Variants in ARPC1A observed in about 807,000 individuals in gnomAD.
The protein encoded by ARPC1A is actin related protein 2/3 complex subunit 1A, also known as actin-related protein 2/3 complex subunit 1A.
Under a neutral mutation model 46.9 loss-of-function variants are expected in ARPC1A, and 8 were observed. That is an observed-to-expected ratio of 0.17 (90% confidence interval 0.10 to 0.31). ARPC1A has a LOEUF of 0.31. Ranked by LOEUF, ARPC1A falls within the 10% of genes least tolerant of loss-of-function variation. The pLI is 1.00. For missense variants in ARPC1A, 286 were observed against 483.6 expected (o/e 0.59, Z 3.83); for synonymous variants, 152 against 169.0 (o/e 0.90, Z 0.78).
intron 4 of ARPC1A, among the ~76,000 whole-genome samples, chr7:99,348,047 G>A (rs1171739798): frequency 1.3e-5 from 2 of 152,028 alleles, no homozygotes; most frequent in Non-Finnish European, 2.9e-5. Flanking sequence ...CGAATTAGAG[G>A]CTAATCCCCA....
rs117737292 is a variant in ARPC1A at position 99,333,654 on chromosome 7, A to G, written c.64+237A>G. On this transcript the variant is annotated intron_variant, in intron 2 of 9. Coordinates refer to ENST00000262942, the MANE Select transcript of ARPC1A (RefSeq NM_006409.4). Reference sequence around the variant, plus strand: ...CAAGTTCACATTTAGTCAGAGCACTAGGACCTAGAATAAGCTGTTTCAGAG... The same window carrying G: ...CAAGTTCACATTTAGTCAGAGCACTGGGACCTAGAATAAGCTGTTTCAGAG... Among the ~76,000 whole-genome samples the G allele has an allele frequency of 3.7e-3, 563 of 152,322 alleles. 5 individuals are homozygous for G. Among genetic ancestry groups the G allele is most frequent in the Middle Eastern group, 0.02 (6 of 294 alleles).
chr7:99,344,920 CTTTTTTTTTTT>C (rs1172071932), intron 4 of ARPC1A, among the ~76,000 whole-genome samples: 1 of 20,100 alleles, frequency 5.0e-5, no homozygotes, highest in African/African-American at 2.2e-4. Flanking sequence ...TAACAATGTT[CTTTTTTTTTTT>C]TTTTTTTTTT....
rs1378779685 is a variant in ARPC1A, at chr7:99,366,077, G to T, written c.*148G>T. The stretch of plus-strand genomic sequence containing the variant: ...GTGGTTTTGTTTGAATATAAAATTG[G>T]TGAAAGTGTTGGTTTTTTTAAGGCA... On this transcript the variant is annotated 3_prime_UTR_variant, in exon 10 of 10. Coordinates refer to ENST00000262942, the MANE Select transcript of ARPC1A (RefSeq NM_006409.4). The T allele has an allele frequency of 3.0e-6, 3 of 1,006,174 alleles. No individual in the cohort carries two copies. Among genetic ancestry groups the T allele is most frequent in the Non-Finnish European group, 4.2e-6 (3 of 707,008 alleles). 62.3% of individuals were successfully genotyped at this position (1,006,174 alleles called of 1,614,324 possible).
chr7:99,338,358 A>G lies in ARPC1A; in HGVS notation c.169+73A>G. On this transcript the variant is annotated intron_variant, in intron 3 of 9. Coordinates refer to ENST00000262942, the MANE Select transcript of ARPC1A (RefSeq NM_006409.4). ...ACTCTTCCTTTTAGATAAAGAGCCT[A>G]ATAAACCCAGGTGGCCATAATTTTT... is the stretch of plus-strand genomic sequence containing the variant. 4 of 1,098,928 alleles carry G rather than the reference A, an allele frequency of 3.6e-6. No individual in the cohort carries two copies. In the Admixed American group the frequency reaches 1.2e-4, roughly 34 times the overall value. The allele number at this position is 1,098,928 out of a possible 1,614,324, so 68.1% of individuals were successfully genotyped here.
chr7:99,327,600 G>T (rs1294290310), intron 1 of ARPC1A, among the ~76,000 whole-genome samples: 1 of 151,938 alleles, frequency 6.6e-6, no homozygotes, highest in African/African-American at 2.4e-5. Flanking sequence ...GGGATTTTGG[G>T]TGTGAGACAC....
chr7:99,340,099 G>T, intron 3 of ARPC1A: 1 of 431,534 alleles, frequency 2.3e-6, no homozygotes, highest in Non-Finnish European at 4.8e-6. Flanking sequence ...TGACTGTCCT[G>T]TTCATAAATC....
rs1793590037 is a variant in ARPC1A, at chr7:99,353,959, C to T, written c.551C>T (p.Pro184Leu). The T allele has an allele frequency of 5.6e-6, 9 of 1,613,984 alleles. No homozygotes were observed. The highest frequency in any genetic ancestry group is 5.0e-5 in the Admixed American group (3 of 60,016). The change falls in exon 6 of 10, where the codon CCC becomes CTC. Residue 184 changes from proline (P) to leucine (L), a missense_variant. Physicochemically the swap from Pro to Leu is moderately conservative, Grantham distance 98. Around this residue, in one of 5 missense-constraint regions of ARPC1A, gnomAD observed 182 missense variants for 276.7 expected, o/e 0.66. Coordinates refer to ENST00000262942, the MANE Select transcript of ARPC1A (RefSeq NM_006409.4). ...GTGGATGAAAAGCCAGCCAGCACGC[C>T]CTGGGGCAGCAAGATGCCTTTTGGG... The part of the protein sequence containing the change: ...KEVDEKPAST[P>L]WGSKMPFGQL...
chr7:99,346,912 G>A (rs1793462268), intron 4 of ARPC1A, among the ~76,000 whole-genome samples: 1 of 152,162 alleles, frequency 6.6e-6, no homozygotes, highest in Non-Finnish European at 1.5e-5. Context: ...CAGGGAGGTA[G>A]AGGTTGCAAT....
Position 99,326,329 on chromosome 7 carries a change from T to A in ARPC1A, c.-30+325T>A, listed in dbSNP as rs191926476. On this transcript the variant is annotated intron_variant, in intron 1 of 9. Coordinates refer to ENST00000262942, the MANE Select transcript of ARPC1A (RefSeq NM_006409.4). ...TCTAAAATTGTGTCAAGTAGGAGGA[T>A]CTCCCGTAATCGAGCGACCCGCGGG... Among the ~76,000 whole-genome samples the A allele has an allele frequency of 1.1e-4, 17 of 152,302 alleles. No homozygotes were observed. In the East Asian group the frequency reaches 3.1e-3, roughly 28 times the overall value.
At chr7:99,350,904 C>T (rs1447891188) in intron 5 of ARPC1A, among the ~76,000 whole-genome samples, 2 of 151,734 alleles carry the variant, frequency 1.3e-5, no homozygotes, top group African/African-American at 4.8e-5. Context: ...GCCTTGGCCT[C>T]CCAAAGTGCT....
At chr7:99,350,739 G>A (rs887286948) in intron 5 of ARPC1A, among the ~76,000 whole-genome samples, 29 of 142,456 alleles carry the variant, frequency 2.0e-4, no homozygotes, top group African/African-American at 6.2e-4. Flanking sequence ...TCGACCTCCC[G>A]GACTCAAGCA....
At chr7:99,335,793 A>G (rs924042291) in intron 2 of ARPC1A, among the ~76,000 whole-genome samples, 3 of 152,096 alleles carry the variant, frequency 2.0e-5, no homozygotes, top group Admixed American at 1.3e-4. Flanking sequence ...TCTCTATTAA[A>G]AATACAAAAA....
intron 8 of ARPC1A, among the ~76,000 whole-genome samples, chr7:99,362,217 C>G (rs1439106110): frequency 6.6e-6 from 1 of 151,740 alleles, no homozygotes; most frequent in Non-Finnish European, 1.5e-5. Context: ...TCGCTTGAAC[C>G]TGGGAGGTAG....
At chr7:99,349,407 A>T (rs1259829847) in intron 5 of ARPC1A, among the ~76,000 whole-genome samples, 2 of 151,600 alleles carry the variant, frequency 1.3e-5, no homozygotes, top group Non-Finnish European at 2.9e-5. Context: ...AGGCACTGTG[A>T]GGGACTCAAA....
chr7:99,354,417 A>G (rs1252444976), intron 6 of ARPC1A, among the ~76,000 whole-genome samples: 8 of 150,630 alleles, frequency 5.3e-5, no homozygotes, highest in East Asian at 4.0e-4. Context: ...AGCTACTCGG[A>G]AGGCTGAGGC....
intron 9 of ARPC1A, among the ~76,000 whole-genome samples, 184 bp from the exon 10 acceptor site, chr7:99,365,706 AG>A (rs1793827181): frequency 6.6e-6 from 1 of 151,668 alleles, no homozygotes. Flanking sequence ...AGGAGCCAGC[AG>A]GGGGAGCCCC....
At chr7:99,353,098 TTTAG>T (rs1048153254) in intron 5 of ARPC1A, among the ~76,000 whole-genome samples, 2 of 138,010 alleles carry the variant, frequency 1.4e-5, no homozygotes, top group Admixed American at 7.3e-5. Flanking sequence ...ATTATTTTAG[TTTAG>T]TTTAGTTTAG....
At chr7:99,333,742 A>C (rs923135723) in intron 2 of ARPC1A, among the ~76,000 whole-genome samples, 1 of 152,184 alleles carries the variant, frequency 6.6e-6, no homozygotes, top group African/African-American at 2.4e-5. Context: ...TGTTATTCTT[A>C]GTCAGCTTGA....
chr7:99,354,918 G>T (rs969688872), intron 6 of ARPC1A, among the ~76,000 whole-genome samples: 1 of 151,972 alleles, frequency 6.6e-6, no homozygotes, highest in African/African-American at 2.4e-5. Flanking sequence ...TTTGAGACCA[G>T]CCTGACTAAC....
Sources: gnomAD v4.1 joint callset for allele counts (sites outside exome capture counted in the v4.1 genomes callset) on GRCh38, gnomAD v4.1.1 for gene constraint, gnomAD v4.1.1 regional missense constraint, MANE v1.5 for transcripts, NCBI Gene and HGNC (gene_info 2026-07-23, HGNC 2026-07-21) for gene names.